The following TRPM8 variants were observed in gnomAD, a reference collection of about 807,000 sequenced individuals.
The protein encoded by TRPM8 is transient receptor potential cation channel subfamily M member 8.
A neutral mutation model predicts 133.7 loss-of-function variants in TRPM8; 110 were observed. The observed-to-expected ratio is 0.82, with a 90% CI of 0.70 to 0.96. The LOEUF is 0.96. Ranked by LOEUF, TRPM8 falls within the 40% of genes least tolerant of loss-of-function variation. TRPM8 has a pLI of 0.00. For missense variants in TRPM8, 1,291 were observed against 1,379.5 expected, an observed-to-expected ratio of 0.94 and a Z score of 1.02; for synonymous variants, 535 against 532.3, an observed-to-expected ratio of 1.01 and a Z score of -0.07.
intron 21 of TRPM8, among the ~76,000 whole-genome samples, chr2:233,990,521 ACATGCTAGTACATCCATCG>A (rs1008907668): frequency 5.4e-4 from 82 of 152,234 alleles, no homozygotes; most frequent in Non-Finnish European, 1.3e-4. Context: ...CAGTGGCTGT[ACATGCTAGTACATCCATCG>A]CATGTCTTAT....
chr2:233,930,136 G>A (rs373740748), intron 2 of TRPM8, among the ~76,000 whole-genome samples: 1 of 152,054 alleles, frequency 6.6e-6, no homozygotes, highest in East Asian at 1.9e-4. Context: ...TTTTTCCTTT[G>A]TTTCCAAATA....
At chr2:234,001,410 A>C (rs1447971542) in intron 22 of TRPM8, among the ~76,000 whole-genome samples, 1 of 152,206 alleles carries the variant, frequency 6.6e-6, no homozygotes, top group Non-Finnish European at 1.5e-5. Flanking sequence ...CCAGAAACCA[A>C]TGAAAAAAGT....
At chr2:234,014,006 T>C (rs1692900472) in intron 24 of TRPM8, among the ~76,000 whole-genome samples, 1 of 152,156 alleles carries the variant, frequency 6.6e-6, no homozygotes, top group Non-Finnish European at 1.5e-5. Flanking sequence ...GACATGTAAT[T>C]TAAAATGACT....
chr2:234,011,914 C>CAAAAAA (rs869030520), intron 24 of TRPM8, among the ~76,000 whole-genome samples: 35 of 81,244 alleles, frequency 4.3e-4, no homozygotes, highest in Admixed American at 6.3e-4. Flanking sequence ...GAGACTGTCT[C>CAAAAAA]AAAAAAAAAA....
At position 233,969,679 on chromosome 2, in the gene TRPM8, C is replaced by CT; in HGVS notation, c.2026-13dup. On this transcript the variant is annotated splice_polypyrimidine_tract_variant and intron_variant, in intron 15 of 25. Transcript: ENST00000324695. ...TGTTAATAAGGACCTTGTTCTCTGT[C>CT]TTTGTTTCCCTGTAGAATTTTCTTT... The CT allele has an allele frequency of 6.6e-7, 1 of 1,519,254 alleles. No homozygotes were observed. The highest frequency in any genetic ancestry group is 9.1e-7 in the Non-Finnish European group (1 of 1,093,888). The allele number at this position is 1,519,254 out of a possible 1,614,324, so 94.1% of individuals were successfully genotyped here.
At chr2:233,993,307 A>G (rs1408403714) in intron 21 of TRPM8, among the ~76,000 whole-genome samples, 1 of 152,220 alleles carries the variant, frequency 6.6e-6, no homozygotes, top group Non-Finnish European at 1.5e-5. Context: ...GGGGCCGTGC[A>G]GTCAACCCAG....
Position 234,017,520 on chromosome 2 carries a change from G to A in TRPM8, c.*264G>A. The A allele has an allele frequency of 2.7e-6, 1 of 369,764 alleles. No individual in the cohort carries two copies. The highest frequency in any genetic ancestry group is 5.4e-6 in the Non-Finnish European group (1 of 186,880). The allele number at this position is 369,764 out of a possible 1,614,324, so 22.9% of individuals were successfully genotyped here. ...TGCCTGTTTCTCTCTGTGTCTCAAT[G>A]CCTGGGACTGGAGGTTGATAGTTTA... On this transcript the variant is annotated 3_prime_UTR_variant, in exon 26 of 26. Coordinates refer to ENST00000324695, the MANE Select transcript of TRPM8 (RefSeq NM_024080.5).
chr2:233,992,852 G>A (rs1177774996), intron 21 of TRPM8, among the ~76,000 whole-genome samples: 2 of 152,154 alleles, frequency 1.3e-5, no homozygotes, highest in Non-Finnish European at 2.9e-5. Flanking sequence ...TTGCTGAGGG[G>A]GTGTGCACGT....
intron 22 of TRPM8, among the ~76,000 whole-genome samples, chr2:234,004,292 G>A (rs1333677298): frequency 6.6e-6 from 1 of 152,214 alleles, no homozygotes; most frequent in East Asian, 1.9e-4. Flanking sequence ...CCACCCTCGG[G>A]TGGTGTGGCA....
intron 3 of TRPM8, 76 bp downstream of exon 3, chr2:233,930,817 G>A: frequency 1.1e-6 from 1 of 905,142 alleles, no homozygotes; most frequent in South Asian, 1.5e-5. Flanking sequence ...ACAAACAAAT[G>A]CTCCCTAGTT....
intron 21 of TRPM8, among the ~76,000 whole-genome samples, chr2:233,988,700 G>T (rs12692252): frequency 0.81 from 123,811 of 151,976 alleles, 50,569 homozygotes; most frequent in Middle Eastern, 0.87. Flanking sequence ...GAAGGGAAGG[G>T]GAAACTCTCC....
chr2:233,947,021 C>A, intron 7 of TRPM8, 67 bp from the exon 8 acceptor site: 1 of 1,493,722 alleles, frequency 6.7e-7, no homozygotes, highest in Non-Finnish European at 9.3e-7. Context: ...CTTGGTCCAA[C>A]TTTTCACAGA....
chr2:233,987,698 T>C (rs1265019071), intron 21 of TRPM8, among the ~76,000 whole-genome samples: 2 of 152,210 alleles, frequency 1.3e-5, no homozygotes, highest in Admixed American at 6.5e-5. Flanking sequence ...CACCCAAATC[T>C]CATCTTGAAT....
At chr2:234,011,901 A>C (rs1316095893) in intron 24 of TRPM8, among the ~76,000 whole-genome samples, 1 of 122,910 alleles carries the variant, frequency 8.1e-6, no homozygotes, top group Non-Finnish European at 1.6e-5. Context: ...TGGGAGACAG[A>C]GCGAGACTGT....
intron 15 of TRPM8, among the ~76,000 whole-genome samples, chr2:233,967,248 T>A (rs1259389895): frequency 6.6e-6 from 1 of 152,230 alleles, no homozygotes; most frequent in Non-Finnish European, 1.5e-5. Flanking sequence ...GTAGGGAAAC[T>A]ATTGTGAAAT....
intron 2 of TRPM8, among the ~76,000 whole-genome samples, chr2:233,927,865 T>TCTTC (rs1264059410): frequency 3.0e-4 from 13 of 43,214 alleles, no homozygotes; most frequent in South Asian, 9.7e-4. Flanking sequence ...TCTTTCTCTT[T>TCTTC]CTTTCTTTCT....
At chr2:233,973,570 T>A (rs567502844) in intron 17 of TRPM8, among the ~76,000 whole-genome samples, 1 of 152,326 alleles carries the variant, frequency 6.6e-6, no homozygotes, top group African/African-American at 2.4e-5. Flanking sequence ...TTTACTTAAT[T>A]AGTTATATCT....
At position 233,966,705 on chromosome 2, in the gene TRPM8, C is replaced by T. The variant is rs140157403; in HGVS notation, c.1975C>T (p.Leu659=). ...TTGGGGTGGAAGCAACTGTCTGGAG[C>T]TGGCGGTGGAGGCCACAGACCAGCA... ...EAWGGSNCLE[L]AVEATDQHFI... Residue 659 remains leucine (L), a synonymous_variant, in exon 15 of 26, where the codon CTG becomes TTG. Coordinates refer to ENST00000324695, the MANE Select transcript of TRPM8 (RefSeq NM_024080.5). 182 of 1,611,668 alleles carry T rather than the reference C, an allele frequency of 1.1e-4. 1 individual carries two copies. In the African/African-American group the frequency reaches 2.4e-3, roughly 21 times the overall value.
intron 3 of TRPM8, 150 bp downstream of exon 3, chr2:233,930,891 C>T (rs1691667272): frequency 3.5e-6 from 2 of 579,704 alleles, no homozygotes; most frequent in Non-Finnish European, 6.1e-6. Context: ...AAGGATCTGG[C>T]AAGGAGCTTA....
Sources: gnomAD v4.1 joint callset for allele counts (sites outside exome capture counted in the v4.1 genomes callset) on GRCh38, gnomAD v4.1.1 for gene constraint, MANE v1.5 for transcripts, NCBI Gene and HGNC (gene_info 2026-07-23, HGNC 2026-07-21) for gene names.